The following GLCCI1 variants were observed in gnomAD, a reference collection of about 807,000 sequenced individuals.
GLCCI1 encodes glucocorticoid induced 1.
Under a neutral mutation model 52.2 loss-of-function variants are expected in GLCCI1, and 24 were observed. The observed-to-expected ratio is 0.46, with a 90% confidence interval of 0.33 to 0.65. The LOEUF is 0.65. Among genes scored for constraint, GLCCI1 ranks in the 30% least tolerant of loss-of-function variants. The pLI, the probability that GLCCI1 is intolerant of heterozygous loss-of-function variation, is 0.02. For missense variants in GLCCI1, 704 were observed against 701.5 expected (o/e 1.00, Z -0.04); for synonymous variants, 310 against 276.5 (o/e 1.12, Z -1.20).
At chr7:8,018,532 G>T (rs536906144) in intron 2 of GLCCI1, among the ~76,000 whole-genome samples, 1 of 152,120 alleles carries the variant, frequency 6.6e-6, no homozygotes, top group Non-Finnish European at 1.5e-5. Flanking sequence ...TATTCCCTTT[G>T]TATTTTACTT....
At chr7:7,995,282 G>A (rs56017154) in intron 1 of GLCCI1, among the ~76,000 whole-genome samples, 5,575 of 152,192 alleles carry the variant, frequency 0.037, 142 homozygotes, top group Non-Finnish European at 0.057. Context: ...GCTGAGGTAG[G>A]CAAATCATTT....
chr7:8,062,933 C>T lies in GLCCI1; in HGVS notation c.966+2685C>T, dbSNP rs115152038. Among the ~76,000 whole-genome samples the T allele has an allele frequency of 7.2e-3, 1,096 of 152,208 alleles. 19 individuals are homozygous for T. Among genetic ancestry groups the T allele is most frequent in the African/African-American group, 0.025 (1,032 of 41,528 alleles). ...TAAACAGTACTGTCATGAACATATG[C>T]GTGCATGTGTCTTTATGGTAGAGCA... On this transcript the variant is annotated intron_variant, in intron 5 of 7. Coordinates refer to ENST00000223145, the MANE Select transcript of GLCCI1 (RefSeq NM_138426.4).
At chr7:8,022,452 CTTATT>C (rs1159162414) in intron 2 of GLCCI1, 26 bp from the exon 3 acceptor site, 4 of 1,223,222 alleles carry the variant, frequency 3.3e-6, no homozygotes, top group African/African-American at 1.6e-5. Context: ...GATAAAATTT[CTTATT>C]TTATTTATAT....
intron 7 of GLCCI1, among the ~76,000 whole-genome samples, chr7:8,085,952 A>G (rs1237051565): frequency 2.6e-5 from 4 of 152,296 alleles, no homozygotes; most frequent in Middle Eastern, 3.4e-3. Context: ...AATGATCTCT[A>G]AATATTTGCC....
At chr7:8,080,144 A>C (rs988444283) in intron 6 of GLCCI1, among the ~76,000 whole-genome samples, 1 of 151,620 alleles carries the variant, frequency 6.6e-6, no homozygotes, top group African/African-American at 2.4e-5. Flanking sequence ...AATGATACAC[A>C]ATTGTGTGTT....
chr7:8,031,432 A>G (rs1043923890), intron 3 of GLCCI1, among the ~76,000 whole-genome samples: 1 of 152,044 alleles, frequency 6.6e-6, no homozygotes, highest in African/African-American at 2.4e-5. Flanking sequence ...GGAGGTGGGA[A>G]TGGTTAATGG....
chr7:7,976,111 G>A, intron 1 of GLCCI1, among the ~76,000 whole-genome samples: 1 of 152,166 alleles, frequency 6.6e-6, no homozygotes, highest in East Asian at 1.9e-4. Context: ...GGGTTGAACA[G>A]TGTACGTATA....
intron 1 of GLCCI1, among the ~76,000 whole-genome samples, chr7:7,985,101 A>C (rs1157103203): frequency 6.6e-6 from 1 of 152,224 alleles, no homozygotes; most frequent in South Asian, 2.1e-4. Flanking sequence ...GTAAGTAAGC[A>C]TAATTAGACT....
At chr7:8,052,622 A>G (rs924650448) in intron 3 of GLCCI1, among the ~76,000 whole-genome samples, 1 of 152,238 alleles carries the variant, frequency 6.6e-6, no homozygotes, top group African/African-American at 2.4e-5. Flanking sequence ...GCCTTGGGGC[A>G]GGAGTGGCAT....
chr7:8,085,723 A>G (rs1026733388), intron 7 of GLCCI1, among the ~76,000 whole-genome samples: 82 of 89,342 alleles, frequency 9.2e-4, no homozygotes, highest in African/African-American at 4.3e-3. Context: ...TGGCTTTTTG[A>G]GAGACCACTG....
intron 5 of GLCCI1, among the ~76,000 whole-genome samples, chr7:8,065,986 T>A (rs1267103361): frequency 6.6e-6 from 1 of 152,204 alleles, no homozygotes; most frequent in Non-Finnish European, 1.5e-5. Context: ...TACTAGCTCT[T>A]CTTTATACAG....
intron 3 of GLCCI1, among the ~76,000 whole-genome samples, chr7:8,046,277 A>G (rs1286020619): frequency 1.3e-5 from 2 of 152,204 alleles, no homozygotes; most frequent in Admixed American, 1.3e-4. Flanking sequence ...AACCAAAAAT[A>G]AAATTCAGAG....
At chr7:8,054,508 T>G (rs1240252857) in intron 3 of GLCCI1, among the ~76,000 whole-genome samples, 1 of 152,154 alleles carries the variant, frequency 6.6e-6, no homozygotes, top group African/African-American at 2.4e-5. Context: ...AGGTAAACAT[T>G]AGTTTTCTCA....
chr7:7,982,149 T>A, intron 1 of GLCCI1: 1 of 363,966 alleles, frequency 2.7e-6, no homozygotes, highest in South Asian at 2.5e-5. Flanking sequence ...CAGACATCTT[T>A]ATGAAAGAGA....
intron 6 of GLCCI1, chr7:8,078,626 C>A (rs1782924553): frequency 6.6e-6 from 1 of 152,040 alleles, no homozygotes; most frequent in African/African-American, 2.4e-5. Flanking sequence ...TTGTTTCATG[C>A]CTCTTAACTG....
rs1782365432 is a variant in GLCCI1, at chr7:8,055,470, A to G, written c.734A>G (p.Lys245Arg). 1.2e-6 allele frequency: 2 copies of G among 1,613,904 alleles called. No homozygotes were observed. The highest frequency in any genetic ancestry group is 8.5e-7 in the Non-Finnish European group (1 of 1,179,930). ...CTGAGGCAGCAACTACAACGCAGTAAACAGAGTAGTCGTCACAGTAAGGAG... is the reference window on the plus strand; with the variant it reads ...CTGAGGCAGCAACTACAACGCAGTAGACAGAGTAGTCGTCACAGTAAGGAG... Reference protein sequence around the residue: ...AKLRQQLQRSKQSSRHSKEKD... With the variant: ...AKLRQQLQRSRQSSRHSKEKD... The change falls in exon 4 of 8, where the codon AAA becomes AGA. Residue 245 changes from lysine (K) to arginine (R), a missense_variant. By Grantham distance (26) the Lys-to-Arg change is conservative. Around this residue, in one of 3 missense-constraint regions of GLCCI1, gnomAD observed 547 missense variants for 524.8 expected, o/e 1.04. Coordinates refer to ENST00000223145, the MANE Select transcript of GLCCI1 (RefSeq NM_138426.4).
intron 6 of GLCCI1, among the ~76,000 whole-genome samples, chr7:8,080,763 C>T (rs889700907): frequency 2.1e-5 from 3 of 145,642 alleles, no homozygotes; most frequent in African/African-American, 8.3e-5. Flanking sequence ...TTACTTTTTA[C>T]TATAATAATA....
intron 3 of GLCCI1, among the ~76,000 whole-genome samples, chr7:8,030,060 G>A (rs2127951278): frequency 6.6e-6 from 1 of 152,138 alleles, no homozygotes; most frequent in East Asian, 1.9e-4. Context: ...AATTTGTATG[G>A]AATGACAAAA....
At chr7:8,085,271 A>G (rs1301728502) in intron 7 of GLCCI1, among the ~76,000 whole-genome samples, 2 of 152,340 alleles carry the variant, frequency 1.3e-5, no homozygotes, top group Middle Eastern at 3.4e-3. Flanking sequence ...ATTTTTAATC[A>G]TTAAGAATTG....
Sources: allele counts gnomAD v4.1 joint callset (sites outside exome capture counted in the v4.1 genomes callset), GRCh38; gene constraint gnomAD v4.1.1; regional missense constraint gnomAD v4.1.1; transcripts MANE v1.5; gene names NCBI Gene and HGNC (gene_info 2026-07-23, HGNC 2026-07-21).